VPS50: variants seen among roughly 807,000 people sequenced by gnomAD.
VPS50 encodes VPS50 subunit of EARP/GARPII complex, also known as syndetin.
VPS50 carries 70 observed loss-of-function variants against 139.7 expected under a neutral mutation model. The observed-to-expected ratio is 0.50, with a 90% CI of 0.41 to 0.61. The LOEUF (loss-of-function observed/expected upper bound fraction) is 0.61, where lower values mean the gene tolerates loss of function less well. Ranked by LOEUF, VPS50 falls within the 20% of genes least tolerant of loss-of-function variation. The pLI, the probability that VPS50 is intolerant of heterozygous loss-of-function variation, is 0.00. For missense variants in VPS50, 921 were observed against 1,133.7 expected (o/e 0.81, Z 2.69); for synonymous variants, 365 against 376.7 (o/e 0.97, Z 0.36).
intron 21 of VPS50, among the ~76,000 whole-genome samples, chr7:93,324,658 C>T (rs1439039414): frequency 1.3e-5 from 2 of 151,896 alleles, no homozygotes; most frequent in Non-Finnish European, 2.9e-5. Context: ...AACAGTCAAA[C>T]AGAGAGCCAA....
intron 12 of VPS50, among the ~76,000 whole-genome samples, chr7:93,277,102 G>A (rs896239431): frequency 2.6e-5 from 4 of 152,138 alleles, no homozygotes; most frequent in Non-Finnish European, 1.5e-5. Context: ...AAGAAGACAT[G>A]AGGGCCCTGG....
In VPS50 at chr7:93,356,019, C is replaced by T; in HGVS notation, c.2714C>T (p.Thr905Ile). The T allele has an allele frequency of 6.3e-7, 1 of 1,579,338 alleles. No individual in the cohort carries two copies. Among genetic ancestry groups the T allele is most frequent in the Non-Finnish European group, 8.7e-7 (1 of 1,154,142 alleles). ...RPIPDKEFVE[T>I]YIKAYYLTEN... ...ATTCCTGATAAAGAATTTGTAGAAA[C>T]TTATATTAAAGCTTATTACCTAACT... Residue 905 changes from threonine (T) to isoleucine (I), a missense_variant, in exon 27 of 28, where the codon ACT becomes ATT. Transcript: ENST00000305866.
intron 2 of VPS50, among the ~76,000 whole-genome samples, chr7:93,240,437 A>G (rs1794954572): frequency 6.6e-6 from 1 of 152,138 alleles, no homozygotes; most frequent in Non-Finnish European, 1.5e-5. Context: ...TGTATAACTT[A>G]TCTCCTAGAT....
intron 6 of VPS50, 32 bp downstream of exon 6, chr7:93,257,496 G>T (rs1263647335): frequency 3.2e-6 from 4 of 1,240,606 alleles, no homozygotes; most frequent in Admixed American, 1.9e-5. Flanking sequence ...TGTTCTTTAA[G>T]CTGAACAATA....
chr7:93,309,195 T>C (rs1457263975), intron 19 of VPS50, among the ~76,000 whole-genome samples: 1 of 151,986 alleles, frequency 6.6e-6, no homozygotes, highest in Non-Finnish European at 1.5e-5. Flanking sequence ...AAACCTTTGC[T>C]GGTATCTCAC....
chr7:93,352,158 T>G (rs1248792161), intron 25 of VPS50, among the ~76,000 whole-genome samples: 4 of 152,180 alleles, frequency 2.6e-5, no homozygotes, highest in Non-Finnish European at 5.9e-5. Context: ...ACAAAGCATT[T>G]TATACATATA....
chr7:93,354,595 A>G (rs1798648043), intron 26 of VPS50, among the ~76,000 whole-genome samples: 1 of 152,060 alleles, frequency 6.6e-6, no homozygotes, highest in Non-Finnish European at 1.5e-5. Flanking sequence ...ATGCCTGGTT[A>G]TACTCCTGAT....
chr7:93,320,350 T>A (rs1053321417), intron 20 of VPS50: 9 of 151,848 alleles, frequency 5.9e-5, no homozygotes, highest in African/African-American at 2.2e-4. Context: ...TATCATTTCT[T>A]TTTTTCTTTT....
chr7:93,288,250 G>GA (rs1796549518), intron 12 of VPS50, among the ~76,000 whole-genome samples: 1 of 152,098 alleles, frequency 6.6e-6, no homozygotes, highest in Non-Finnish European at 1.5e-5. Flanking sequence ...ATCACTAAGG[G>GA]AAAACATTAA....
chr7:93,356,677 G>A (rs983156816), intron 27 of VPS50, among the ~76,000 whole-genome samples: 15 of 152,080 alleles, frequency 9.9e-5, no homozygotes, highest in African/African-American at 1.7e-4. Context: ...GTAGGATGCC[G>A]AATTTTTGAC....
intron 12 of VPS50, among the ~76,000 whole-genome samples, chr7:93,286,036 T>TA (rs1329351965): frequency 6.6e-6 from 1 of 152,194 alleles, no homozygotes; most frequent in African/African-American, 2.4e-5. Context: ...CTTGGGATAT[T>TA]TCCCAAAGAT....
At chr7:93,252,976 G>A (rs775756001) in intron 3 of VPS50, among the ~76,000 whole-genome samples, 3 of 152,244 alleles carry the variant, frequency 2.0e-5, no homozygotes, top group Admixed American at 6.5e-5. Flanking sequence ...AAATACAACC[G>A]TTCAGGGAAA....
chr7:93,256,643 AT>A, intron 5 of VPS50, 81 bp downstream of exon 5: 2 of 748,636 alleles, frequency 2.7e-6, no homozygotes, highest in Non-Finnish European at 4.3e-6. Flanking sequence ...AAAATATTGT[AT>A]TTTTTGTCAA....
chr7:93,339,000 T>G (rs1584484648), intron 22 of VPS50, among the ~76,000 whole-genome samples: 1 of 152,170 alleles, frequency 6.6e-6, no homozygotes, highest in Admixed American at 6.5e-5. Flanking sequence ...ATGTGGAAGG[T>G]GAGGAAGAAG....
Position 93,297,145 on chromosome 7 carries a change from G to A in VPS50, c.1263G>A (p.Arg421=). The change falls in exon 16 of 28, where the codon AGG becomes AGA. Residue 421 remains arginine (R), a splice_region_variant and synonymous_variant. Coordinates refer to ENST00000305866, the MANE Select transcript of VPS50 (RefSeq NM_017667.4). The part of the protein sequence containing the change: ...DFIFVLDIIS[R]LMQVGEEFCG... ...TACTGAAACCTTTTTATCCAACTAG[G>A]TTGATGCAAGTTGGAGAAGAATTTT... 1.3e-6 allele frequency: 2 copies of A among 1,561,252 alleles called. No individual in the cohort carries two copies. Among genetic ancestry groups the A allele is most frequent in the Non-Finnish European group, 1.7e-6 (2 of 1,163,460 alleles).
At chr7:93,271,345 C>T (rs1796004337) in intron 10 of VPS50, 83 bp downstream of exon 10, 1 of 1,409,698 alleles carries the variant, frequency 7.1e-7, no homozygotes, top group South Asian at 1.9e-5. Context: ...TGTGTTTTGG[C>T]TTTTATGTTA....
chr7:93,324,207 T>A (rs1213415780), intron 21 of VPS50, among the ~76,000 whole-genome samples: 1 of 152,238 alleles, frequency 6.6e-6, no homozygotes, highest in Non-Finnish European at 1.5e-5. Context: ...TGGGGTTTTC[T>A]AGATATACAA....
rs1294626605 is a variant in VPS50 at position 93,258,267 on chromosome 7, A to G, written c.531A>G (p.Ile177Met). The part of the protein sequence containing the change: ...LIGLLKSLRT[I>M]KTLQRTDVRL... ...GACTTCTGAAATCTCTGAGAACTAT[A>G]AAAACATTGGTATATATGGGTCATT... Residue 177 changes from isoleucine (I) to methionine (M), a missense_variant, in exon 7 of 28, where the codon ATA (isoleucine) becomes ATG (methionine). By Grantham distance (10) the Ile-to-Met change is conservative. This residue lies in a region of VPS50 where 744 missense variants were observed against 930.6 expected (regional missense o/e 0.80). Transcript: ENST00000305866. The G allele has an allele frequency of 3.2e-6, 5 of 1,581,076 alleles. No homozygotes were observed. The Admixed American group carries it at 5.0e-5, about 16-fold the overall frequency.
At chr7:93,306,494 C>T (rs1797120598) in intron 18 of VPS50, among the ~76,000 whole-genome samples, 1 of 151,810 alleles carries the variant, frequency 6.6e-6, no homozygotes, top group Admixed American at 6.6e-5. Flanking sequence ...GTTTTAACAA[C>T]ACTTTGAGGA....
Sources: gnomAD v4.1 joint callset for allele counts (sites outside exome capture counted in the v4.1 genomes callset) on GRCh38, gnomAD v4.1.1 for gene constraint, gnomAD v4.1.1 regional missense constraint, MANE v1.5 for transcripts, NCBI Gene and HGNC (gene_info 2026-07-23, HGNC 2026-07-21) for gene names.